BCAR3: variants seen among roughly 807,000 people sequenced by gnomAD.
The protein encoded by BCAR3 is BCAR3 adaptor protein, NSP family member.
BCAR3 carries 37 observed loss-of-function variants against 80.1 expected under a neutral mutation model. The ratio of observed to expected loss-of-function variants is 0.46; its 90% CI spans 0.36 to 0.61. The LOEUF is 0.61. Among genes scored for constraint, BCAR3 ranks in the 20% least tolerant of loss-of-function variants. The pLI, the probability that BCAR3 is intolerant of heterozygous loss-of-function variation, is 0.00. For synonymous variants in BCAR3, 389 were observed against 418.9 expected, an observed-to-expected ratio of 0.93 and a Z score of 0.87; for missense variants, 978 against 1,068.2, an observed-to-expected ratio of 0.92 and a Z score of 1.18.
chr1:93,642,952 G>C (rs1309764744), intron 2 of BCAR3, among the ~76,000 whole-genome samples: 1 of 152,210 alleles, frequency 6.6e-6, no homozygotes, highest in Non-Finnish European at 1.5e-5. Context: ...TATGGGCCAG[G>C]TGTGGTGGCT....
At chr1:93,834,850 C>T (rs900342476) in intron 2 of BCAR3, among the ~76,000 whole-genome samples, 14 of 152,230 alleles carry the variant, frequency 9.2e-5, no homozygotes, top group African/African-American at 2.9e-4. Context: ...TGGCCTTCCA[C>T]ATTATTCCTG....
intron 2 of BCAR3, among the ~76,000 whole-genome samples, chr1:93,652,084 G>A (rs996276627): frequency 2.0e-5 from 3 of 152,188 alleles, no homozygotes; most frequent in Non-Finnish European, 4.4e-5. Context: ...CGCCTTGAGA[G>A]CCGAGAAAAG....
chr1:93,660,039 T>A (rs1377794175), intron 2 of BCAR3, among the ~76,000 whole-genome samples: 3 of 151,862 alleles, frequency 2.0e-5, no homozygotes, highest in Admixed American at 2.0e-4. Flanking sequence ...TGTATGTTGG[T>A]TTGAATAAAT....
chr1:93,571,966 A>G, intron 8 of BCAR3, 125 bp from the exon 9 acceptor site: 2 of 1,160,036 alleles, frequency 1.7e-6, no homozygotes, highest in Non-Finnish European at 2.4e-6. Flanking sequence ...ATGTGCCGGC[A>G]GCACAGTTTA....
intron 3 of BCAR3, among the ~76,000 whole-genome samples, chr1:93,692,951 C>A (rs1649248161): frequency 6.6e-6 from 1 of 152,178 alleles, no homozygotes; most frequent in Non-Finnish European, 1.5e-5. Flanking sequence ...GAACCACAGT[C>A]AAGCCTCTAC....
intron 2 of BCAR3, among the ~76,000 whole-genome samples, chr1:93,707,172 T>A (rs1011455452): frequency 6.6e-6 from 1 of 151,688 alleles, no homozygotes; most frequent in Admixed American, 6.6e-5. Context: ...CAAGACTCCA[T>A]CTCAAAAAAA....
At chr1:93,669,079 T>G (rs987054731) in intron 2 of BCAR3, among the ~76,000 whole-genome samples, 1 of 152,114 alleles carries the variant, frequency 6.6e-6, no homozygotes, top group African/African-American at 2.4e-5. Flanking sequence ...AGCTTCCAAT[T>G]TGCAGACAGC....
intron 3 of BCAR3, among the ~76,000 whole-genome samples, chr1:93,636,347 G>A (rs1052298014): frequency 2.0e-5 from 3 of 152,136 alleles, no homozygotes; most frequent in African/African-American, 7.2e-5. Flanking sequence ...AGCTCACAGT[G>A]GGTCTAACAA....
At chr1:93,683,601 A>G (rs1332464375), upstream of BCAR3, among the ~76,000 whole-genome samples, 1 of 152,250 alleles carries the variant, frequency 6.6e-6, no homozygotes, top group Non-Finnish European at 1.5e-5. Flanking sequence ...CATAGTAATA[A>G]GAATGCATGA....
At chr1:93,710,800 C>T (rs1483337445) in intron 2 of BCAR3, among the ~76,000 whole-genome samples, 1 of 152,204 alleles carries the variant, frequency 6.6e-6, no homozygotes, top group East Asian at 1.9e-4. Context: ...AACCTAGTAG[C>T]TTAAAACAAA....
At chr1:93,716,640 A>G (rs930822280) in intron 2 of BCAR3, among the ~76,000 whole-genome samples, 1 of 152,242 alleles carries the variant, frequency 6.6e-6, no homozygotes, top group African/African-American at 2.4e-5. Flanking sequence ...GACAACCAAG[A>G]GGAATGCCGA....
chr1:93,562,319 T>C lies in BCAR3; in HGVS notation c.2400A>G (p.Arg800=). The C allele has an allele frequency of 1.9e-6, 3 of 1,614,120 alleles. No individual in the cohort carries two copies. The highest frequency in any genetic ancestry group is 2.5e-6 in the Non-Finnish European group (3 of 1,179,962). ...TTAAAATCTGGTTGAATTTCTCATA[T>C]CTCTCTGTCTGATTGACTTGTGCAC... ...SKGAQVNQTE[R]YEKFNQILTA... The change falls in exon 12 of 12, where the codon AGA becomes AGG. Residue 800 remains arginine (R), a synonymous_variant. Transcript: ENST00000260502.
intron 2 of BCAR3, among the ~76,000 whole-genome samples, chr1:93,756,369 TC>T (rs1447923404): frequency 6.6e-6 from 1 of 152,084 alleles, no homozygotes; most frequent in East Asian, 1.9e-4. Context: ...GGTCTAATAA[TC>T]AACACCCCAC....
intron 5 of BCAR3, chr1:93,584,922 A>G (rs535500380): frequency 1.1e-4 from 105 of 948,944 alleles, no homozygotes; most frequent in South Asian, 4.9e-4. Context: ...TGGCCTTCCC[A>G]TAAGCATAAA....
chr1:93,820,953 C>A (rs192303280), intron 2 of BCAR3, among the ~76,000 whole-genome samples: 540 of 145,690 alleles, frequency 3.7e-3, no homozygotes, highest in Middle Eastern at 7.2e-3. Flanking sequence ...GTTAGAAGCT[C>A]TTATAGCAGG....
intron 2 of BCAR3, among the ~76,000 whole-genome samples, chr1:93,768,374 A>C (rs1324322341): frequency 2.0e-5 from 3 of 152,346 alleles, no homozygotes; most frequent in South Asian, 4.1e-4. Flanking sequence ...AAGTGAAGAA[A>C]GAAAATTGTG....
chr1:93,739,922 GC>G (rs1651119048), intron 2 of BCAR3, among the ~76,000 whole-genome samples: 1 of 151,994 alleles, frequency 6.6e-6, no homozygotes, highest in East Asian at 1.9e-4. Context: ...TGTAATCCCA[GC>G]TACTCGGGAG....
At chr1:93,615,536 A>C (rs1020427750) in intron 3 of BCAR3, among the ~76,000 whole-genome samples, 1 of 152,088 alleles carries the variant, frequency 6.6e-6, no homozygotes, top group African/African-American at 2.4e-5. Flanking sequence ...CTCCCAGGCC[A>C]CAGAAAGTCC....
intron 3 of BCAR3, chr1:93,706,000 T>A (rs1017418183): frequency 1.3e-5 from 2 of 152,224 alleles, no homozygotes; most frequent in East Asian, 3.9e-4. Flanking sequence ...GAAGTCACTT[T>A]GTAGGCTGGA....
Sources: allele counts gnomAD v4.1 joint callset (sites outside exome capture counted in the v4.1 genomes callset), GRCh38; gene constraint gnomAD v4.1.1; transcripts MANE v1.5; gene names NCBI Gene and HGNC (gene_info 2026-07-23, HGNC 2026-07-21).